KIRREL3: variants seen among roughly 807,000 people sequenced by gnomAD.
KIRREL3 encodes kirre like nephrin family adhesion molecule 3.
KIRREL3 carries 36 observed loss-of-function variants against 89.7 expected under a neutral mutation model. That is an observed-to-expected ratio of 0.40 (90% CI 0.31 to 0.53). The LOEUF (loss-of-function observed/expected upper bound fraction) is 0.53, where lower values mean the gene tolerates loss of function less well. Ranked by LOEUF, KIRREL3 falls within the 20% of genes least tolerant of loss-of-function variation. The probability of loss-of-function intolerance (pLI) is 0.49; values close to 1 mark genes in which losing one functional copy is unlikely to be tolerated. For synonymous variants in KIRREL3, 445 were observed against 441.4 expected, an observed-to-expected ratio of 1.01 and a Z score of -0.10; for missense variants, 864 against 1,056.6, an observed-to-expected ratio of 0.82 and a Z score of 2.53.
Position 126,960,543 on chromosome 11 carries a change from C to T in KIRREL3, c.55+39912G>A, listed in dbSNP as rs112793780. On this transcript the variant is annotated intron_variant, in intron 1 of 16. Transcript: ENST00000525144. ...ATCAAGACGGATCTGATTTGAATTGCGGTTCCAGGCAGCAACTAGTAGTCC... is the reference window on the plus strand; with the variant it reads ...ATCAAGACGGATCTGATTTGAATTGTGGTTCCAGGCAGCAACTAGTAGTCC... 6.6e-5 allele frequency among the ~76,000 whole-genome samples: 10 copies of T among 152,282 alleles called. No homozygotes were observed. In the East Asian group the frequency reaches 9.6e-4, roughly 15 times the overall value.
intron 1 of KIRREL3, among the ~76,000 whole-genome samples, chr11:126,595,364 C>A (rs1942347296): frequency 6.6e-6 from 1 of 152,202 alleles, no homozygotes; most frequent in African/African-American, 2.4e-5. Flanking sequence ...CAAAGTGGAG[C>A]CCAGCAGGCT....
Position 126,867,530 on chromosome 11 carries a change from C to A in KIRREL3, c.55+132925G>T, listed in dbSNP as rs191980490. Among the ~76,000 whole-genome samples, 129 of 152,324 alleles carry A rather than the reference C, an allele frequency of 8.5e-4. 2 individuals carry two copies. The highest frequency in any genetic ancestry group is 2.8e-3 in the African/African-American group (117 of 41,580). On this transcript the variant is annotated intron_variant, in intron 1 of 16. Transcript: ENST00000525144. This position sits in a 1 kb window ranked among gnomAD's most constrained non-coding sequence, Gnocchi z 4.7. ...CTGATAAGTCACTTCCCCAAACTTC[C>A]ATAGCACTTCAAGTCAGCAATGACT... is the stretch of plus-strand genomic sequence containing the variant.
chr11:126,450,542 T>C (rs1385470216), intron 7 of KIRREL3, among the ~76,000 whole-genome samples: 5 of 151,046 alleles, frequency 3.3e-5, no homozygotes, highest in Non-Finnish European at 5.9e-5. Flanking sequence ...TGTGCATGTG[T>C]GTCAATGTGC....
At position 126,456,398 on chromosome 11, in the gene KIRREL3, C is replaced by A; in HGVS notation, c.799G>T (p.Val267Phe). ...EPQPVLEDNV[V>F]TFHCSAKANP... is the part of the protein sequence containing the mutation. ...GCCTTTGCAGAGCAGTGGAAAGTGA[C>A]GACGTTGTCCTCCAGCACTGGCTGT... The change falls in exon 7 of 17, where the codon GTC becomes TTC. Residue 267 changes from valine to phenylalanine, a missense_variant. Val to Phe is a conservative substitution (Grantham distance 50). Transcript: ENST00000525144. 1 of 1,594,568 alleles carries A rather than the reference C, an allele frequency of 6.3e-7. No individual in the cohort carries two copies. The highest frequency in any genetic ancestry group is 8.5e-7 in the Non-Finnish European group (1 of 1,170,680).
chr11:126,522,102 G>GA lies in KIRREL3; in HGVS notation c.284-639dup, dbSNP rs1194526928. On this transcript the variant is annotated intron_variant, in intron 3 of 16. Coordinates refer to ENST00000525144, the MANE Select transcript of KIRREL3 (RefSeq NM_032531.4). The surrounding 1 kb of genome is among the most constrained non-coding windows in gnomAD (Gnocchi z 6.0). ...AATCGGAGGAGCCACTGTTAGAAAG[G>GA]AAAGAGGGAGAAGAGATGGAAATGC... Among the ~76,000 whole-genome samples, 1 of 152,088 alleles carries GA rather than the reference G, an allele frequency of 6.6e-6. No homozygotes were observed. Among genetic ancestry groups the GA allele is most frequent in the African/African-American group, 2.4e-5 (1 of 41,404 alleles).
Position 126,443,049 on chromosome 11 carries a change from C to T in KIRREL3, c.1252+1930G>A, listed in dbSNP as rs940443231. On this transcript the variant is annotated intron_variant, in intron 10 of 16. Coordinates refer to ENST00000525144, the MANE Select transcript of KIRREL3 (RefSeq NM_032531.4). The surrounding 1 kb of genome is among the most constrained non-coding windows in gnomAD (Gnocchi z 7.3). ...TGTGTTCCCCAGGGGGCATTCTCTCCTCAAGAAATCTCTTTAAATCTCCCT... is the reference window on the plus strand; with the variant it reads ...TGTGTTCCCCAGGGGGCATTCTCTCTTCAAGAAATCTCTTTAAATCTCCCT... Among the ~76,000 whole-genome samples, 5 of 152,322 alleles carry T rather than the reference C, an allele frequency of 3.3e-5. No individual in the cohort carries two copies. The highest frequency in any genetic ancestry group is 7.3e-5 in the Non-Finnish European group (5 of 68,038).
rs1364020101 is a variant in KIRREL3, at chr11:126,557,714, G to C, written c.133+5121C>G. 6.6e-6 allele frequency among the ~76,000 whole-genome samples: 1 copy of C among 152,194 alleles called. No homozygotes were observed. Among genetic ancestry groups the C allele is most frequent in the East Asian group, 1.9e-4 (1 of 5,182 alleles). On this transcript the variant is annotated intron_variant, in intron 2 of 16. Coordinates refer to ENST00000525144, the MANE Select transcript of KIRREL3 (RefSeq NM_032531.4). The surrounding 1 kb of genome is among the most constrained non-coding windows in gnomAD (Gnocchi z 5.6). ...CATAAAGAACTTTAGAGCTGTCGAA[G>C]AAATGAGATTCTCAACCTCCCAGGG...
In KIRREL3 at chr11:126,636,034, T is replaced by C. The variant is rs1944253457; in HGVS notation, c.56-73122A>G. Among the ~76,000 whole-genome samples the C allele has an allele frequency of 6.6e-6, 1 of 152,152 alleles. No individual in the cohort carries two copies. The highest frequency in any genetic ancestry group is 2.1e-4 in the South Asian group (1 of 4,828). ...TGAATGCCCCTGAGTCAAAGTCTGC[T>C]CTGAAGACCAGCCCCCTTAGAGTGA... On this transcript the variant is annotated intron_variant, in intron 1 of 16. Coordinates refer to ENST00000525144, the MANE Select transcript of KIRREL3 (RefSeq NM_032531.4). The surrounding 1 kb of genome is among the most constrained non-coding windows in gnomAD (Gnocchi z 4.4).
chr11:126,641,932 T>A lies in KIRREL3; in HGVS notation c.56-79020A>T, dbSNP rs1188630324. Reference sequence around the variant, plus strand: ...GTCAGGAACGTGTCAATTCTGCAACTTCAAGTGGCAGTTAGGGAAGGATCC... The same window carrying A: ...GTCAGGAACGTGTCAATTCTGCAACATCAAGTGGCAGTTAGGGAAGGATCC... On this transcript the variant is annotated intron_variant, in intron 1 of 16. Coordinates refer to ENST00000525144, the MANE Select transcript of KIRREL3 (RefSeq NM_032531.4). This position sits in a 1 kb window ranked among gnomAD's most constrained non-coding sequence, Gnocchi z 5.0. Among the ~76,000 whole-genome samples, 1 of 152,194 alleles carries A rather than the reference T, an allele frequency of 6.6e-6. No individual in the cohort carries two copies. Among genetic ancestry groups the A allele is most frequent in the African/African-American group, 2.4e-5 (1 of 41,450 alleles).
At position 126,955,904 on chromosome 11, in the gene KIRREL3, T is replaced by A. The variant is rs1948909303; in HGVS notation, c.55+44551A>T. Reference sequence around the variant, plus strand: ...ACTGATGCCCCAGTTCTTAAGTATTTTTAATATTACCCTGGAAACATGAAT... The same window carrying A: ...ACTGATGCCCCAGTTCTTAAGTATTATTAATATTACCCTGGAAACATGAAT... On this transcript the variant is annotated intron_variant, in intron 1 of 16. Transcript: ENST00000525144. The surrounding 1 kb of genome is among the most constrained non-coding windows in gnomAD (Gnocchi z 4.6). Among the ~76,000 whole-genome samples the A allele has an allele frequency of 6.6e-6, 1 of 152,180 alleles. No individual in the cohort carries two copies. The highest frequency in any genetic ancestry group is 2.1e-4 in the South Asian group (1 of 4,822).
At chr11:126,450,861 G>A (rs1352548648) in intron 7 of KIRREL3, among the ~76,000 whole-genome samples, 1 of 150,736 alleles carries the variant, frequency 6.6e-6, no homozygotes, top group Non-Finnish European at 1.5e-5. Context: ...GCATGTGCAC[G>A]TGTGTGTGCA....
Position 126,901,336 on chromosome 11 carries a change from T to C in KIRREL3, c.55+99119A>G, listed in dbSNP as rs533590988. Among the ~76,000 whole-genome samples the C allele has an allele frequency of 2.6e-5, 4 of 152,326 alleles. No homozygotes were observed. In the South Asian group the frequency reaches 8.3e-4, roughly 32 times the overall value. ...CACCATTTTCTTTTCTGTTGAAGTATTGACAAATGACTCATCTTCACCCTT... is the reference window on the plus strand; with the variant it reads ...CACCATTTTCTTTTCTGTTGAAGTACTGACAAATGACTCATCTTCACCCTT... On this transcript the variant is annotated intron_variant, in intron 1 of 16. Transcript: ENST00000525144.
chr11:126,921,177 A>G (rs1254608366), intron 1 of KIRREL3, among the ~76,000 whole-genome samples: 1 of 152,182 alleles, frequency 6.6e-6, no homozygotes, highest in African/African-American at 2.4e-5. Context: ...TCTCCAACCT[A>G]TAGACTCTGG....
chr11:126,727,367 T>A (rs1460182781), intron 1 of KIRREL3, among the ~76,000 whole-genome samples: 28 of 152,204 alleles, frequency 1.8e-4, no homozygotes, highest in Admixed American at 1.8e-3. Context: ...AGAAATGTCT[T>A]TTTGGTGGCC....
chr11:126,913,967 A>C (rs145384009), intron 1 of KIRREL3, among the ~76,000 whole-genome samples: 266 of 152,332 alleles, frequency 1.7e-3, no homozygotes, highest in East Asian at 2.5e-3. Flanking sequence ...CAAGGACAAC[A>C]AGTCAGCAGC....
At position 126,583,171 on chromosome 11, in the gene KIRREL3, G is replaced by C. The variant is rs149569112; in HGVS notation, c.56-20259C>G. 6.1e-4 allele frequency among the ~76,000 whole-genome samples: 93 copies of C among 152,354 alleles called. 2 individuals carry two copies. The highest frequency in any genetic ancestry group is 6.8e-3 in the Middle Eastern group (2 of 294). On this transcript the variant is annotated intron_variant, in intron 1 of 16. Transcript: ENST00000525144. Reference sequence around the variant, plus strand: ...CTTCTCCATCTGACACACCATGTCAGATGTGGTCCTGGACCTTCCTGCTAT... The same window carrying C: ...CTTCTCCATCTGACACACCATGTCACATGTGGTCCTGGACCTTCCTGCTAT...
rs1371016179 is a variant in KIRREL3 at position 126,903,565 on chromosome 11, C to T, written c.55+96890G>A. Reference sequence around the variant, plus strand: ...ACTATTATCACATTTCTGGCCTTGACTGCTGAGTTTATTACTACCCATAAC... The same window carrying T: ...ACTATTATCACATTTCTGGCCTTGATTGCTGAGTTTATTACTACCCATAAC... On this transcript the variant is annotated intron_variant, in intron 1 of 16. Transcript: ENST00000525144. This position sits in a 1 kb window ranked among gnomAD's most constrained non-coding sequence, Gnocchi z 4.5. Among the ~76,000 whole-genome samples the T allele has an allele frequency of 6.6e-6, 1 of 152,216 alleles. No homozygotes were observed. The highest frequency in any genetic ancestry group is 2.4e-5 in the African/African-American group (1 of 41,450).
At position 126,463,244 on chromosome 11, in the gene KIRREL3, C is replaced by A. The variant is rs200789628; in HGVS notation, c.655G>T (p.Val219Leu). 808 of 1,613,948 alleles carry A rather than the reference C, an allele frequency of 5.0e-4. No individual in the cohort carries two copies. The highest frequency in any genetic ancestry group is 6.2e-4 in the Non-Finnish European group (737 of 1,179,838). Residue 219 changes from valine (V) to leucine (L), a missense_variant, in exon 6 of 17, where the codon GTG becomes TTG. Transcript: ENST00000525144. This position sits in a 1 kb window ranked among gnomAD's most constrained non-coding sequence, Gnocchi z 5.9. ...VSTLFISPGD[V>L]ENGQSIVCRA... ...CACACGATGCTCTGGCCATTCTCCA[C>A]GTCACCAGGGGAGATGAAGAGGGTG...
intron 1 of KIRREL3, among the ~76,000 whole-genome samples, chr11:126,743,771 G>C (rs1228795010): frequency 2.6e-5 from 4 of 152,280 alleles, no homozygotes; most frequent in African/African-American, 9.6e-5. Context: ...GAGATAATCT[G>C]GCTGAGTTGC....
Sources: gnomAD v4.1 joint callset for allele counts (sites outside exome capture counted in the v4.1 genomes callset) on GRCh38, gnomAD v4.1.1 for gene constraint, Gnocchi (gnomAD v3.1) non-coding constraint, MANE v1.5 for transcripts, NCBI Gene and HGNC (gene_info 2026-07-23, HGNC 2026-07-21) for gene names.